Variants in ANAPC16 observed in about 807,000 individuals in gnomAD.
ANAPC16 encodes the protein anaphase-promoting complex subunit 16.
A neutral mutation model predicts 13.1 loss-of-function variants in ANAPC16; 6 were observed. The observed-to-expected ratio is 0.46, with a 90% confidence interval of 0.25 to 0.90. ANAPC16 has a LOEUF of 0.90. Ranked by LOEUF, ANAPC16 falls within the 40% of genes least tolerant of loss-of-function variation. The probability of loss-of-function intolerance (pLI) is 0.18; values close to 1 mark genes in which losing one functional copy is unlikely to be tolerated. For missense variants in ANAPC16, 113 were observed against 131.1 expected (o/e 0.86, Z 0.67); for synonymous variants, 55 against 51.3 (o/e 1.07, Z -0.31).
At chr10:72,225,153 G>A (rs1012128891) in intron 2 of ANAPC16, among the ~76,000 whole-genome samples, 4 of 152,078 alleles carry the variant, frequency 2.6e-5, no homozygotes, top group Admixed American at 6.6e-5. Flanking sequence ...GCATGGTGGC[G>A]ATGTCTGTAA....
chr10:72,224,606 C>CT (rs1391645852), intron 2 of ANAPC16, among the ~76,000 whole-genome samples: 2 of 140,292 alleles, frequency 1.4e-5, no homozygotes, highest in African/African-American at 6.2e-5. Flanking sequence ...GAATGAGACT[C>CT]TGTCTCAAAA....
At chr10:72,232,517 C>G (rs111399715) in intron 3 of ANAPC16, among the ~76,000 whole-genome samples, 171 of 151,536 alleles carry the variant, frequency 1.1e-3, no homozygotes, top group African/African-American at 3.5e-3. Flanking sequence ...GCACTGCAGC[C>G]TGGGCAACAA....
chr10:72,217,669 G>A (rs1341663677), intron 1 of ANAPC16, among the ~76,000 whole-genome samples: 6 of 152,038 alleles, frequency 3.9e-5, no homozygotes, highest in African/African-American at 1.4e-4. Flanking sequence ...GTAACTCTCC[G>A]TTAATGACTT....
intron 1 of ANAPC16, chr10:72,223,062 A>AT (rs1370142338): frequency 2.7e-5 from 4 of 147,344 alleles, no homozygotes; most frequent in African/African-American, 1.0e-4. Flanking sequence ...TTTGGGTATT[A>AT]CATTTAGATG....
At position 72,233,649 on chromosome 10, in the gene ANAPC16, CT is replaced by C. The variant is rs1283990267; in HGVS notation, c.*538del. 6.6e-6 allele frequency: 1 copy of C among 152,546 alleles called. No homozygotes were observed. Among genetic ancestry groups the C allele is most frequent in the Admixed American group, 6.5e-5 (1 of 15,282 alleles). 9.4% of individuals were successfully genotyped at this position (152,546 alleles called of 1,614,324 possible). ...TAGACATCAATTCTATAGATTCTGA[CT>C]TTTTCTAACCTCTTATAGACATGCC... On this transcript the variant is annotated 3_prime_UTR_variant, in exon 4 of 4. Coordinates refer to ENST00000299381, the MANE Select transcript of ANAPC16 (RefSeq NM_173473.4).
chr10:72,233,267 C>A lies in ANAPC16; in HGVS notation c.*151C>A. 1.7e-6 allele frequency: 1 copy of A among 584,944 alleles called. No individual in the cohort carries two copies. 36.2% of individuals were successfully genotyped at this position (584,944 alleles called of 1,614,324 possible). A position where few individuals can be genotyped will look rare whatever the true frequency, so the allele number is the denominator to read the frequency against. The stretch of plus-strand genomic sequence containing the variant: ...TGGTTTCTCTGTATCTATTCACAGG[C>A]AACAAATACTTATATGTGTGATCTT... On this transcript the variant is annotated 3_prime_UTR_variant, in exon 4 of 4. Transcript: ENST00000299381.
At chr10:72,232,795 G>A (rs1195201995) in intron 3 of ANAPC16, among the ~76,000 whole-genome samples, 1 of 151,758 alleles carries the variant, frequency 6.6e-6, no homozygotes, top group African/African-American at 2.4e-5. Context: ...TTATAGAGAT[G>A]GGGTTTCACC....
chr10:72,229,164 CTG>C (rs1315313366), intron 2 of ANAPC16, among the ~76,000 whole-genome samples: 2 of 151,538 alleles, frequency 1.3e-5, no homozygotes, highest in African/African-American at 4.8e-5. Flanking sequence ...GAATGTAACA[CTG>C]TCTCTGAAGA....
chr10:72,224,187 C>T lies in ANAPC16; in HGVS notation c.142+131C>T, dbSNP rs80152325. The T allele has an allele frequency of 5.7e-4, 603 of 1,064,836 alleles. 3 individuals are homozygous for T. In the African/African-American group the frequency reaches 8.4e-3, roughly 15 times the overall value. 66.0% of individuals were successfully genotyped at this position (1,064,836 alleles called of 1,614,324 possible). Reference sequence around the variant, plus strand: ...TCCACATTTCATTTCTTGTCCCCATCTCAAAATAGTATCTTTAAAAACAAG... The same window carrying T: ...TCCACATTTCATTTCTTGTCCCCATTTCAAAATAGTATCTTTAAAAACAAG... On this transcript the variant is annotated intron_variant, in intron 2 of 3. Transcript: ENST00000299381.
At chr10:72,221,244 G>T (rs746094007) in intron 1 of ANAPC16, among the ~76,000 whole-genome samples, 1 of 152,106 alleles carries the variant, frequency 6.6e-6, no homozygotes, top group South Asian at 2.1e-4. Context: ...TTTTAATTGG[G>T]CTAAAATTCA....
At chr10:72,221,737 T>TC (rs1859942552) in intron 1 of ANAPC16, among the ~76,000 whole-genome samples, 1 of 147,996 alleles carries the variant, frequency 6.8e-6, no homozygotes, top group African/African-American at 2.5e-5. Flanking sequence ...TTTTTTTTTT[T>TC]TTTTTTTTTT....
At chr10:72,229,609 G>A (rs1022740672) in intron 2 of ANAPC16, among the ~76,000 whole-genome samples, 7 of 152,092 alleles carry the variant, frequency 4.6e-5, no homozygotes, top group South Asian at 2.1e-4. Context: ...ATGTTTCTAC[G>A]TGAGCTGTAA....
At chr10:72,216,744 A>G in intron 1 of ANAPC16, 1 of 449,414 alleles carries the variant, frequency 2.2e-6, no homozygotes, top group Non-Finnish European at 4.5e-6. Flanking sequence ...TAAGCATCTT[A>G]GCTCGGACAC....
Position 72,223,868 on chromosome 10 carries a change from CT to C in ANAPC16, c.-27-19del, listed in dbSNP as rs1270642569. The C allele has an allele frequency of 6.7e-7, 1 of 1,482,334 alleles. No individual in the cohort carries two copies. The highest frequency in any genetic ancestry group is 1.4e-5 in the African/African-American group (1 of 71,090). 91.8% of individuals were successfully genotyped at this position (1,482,334 alleles called of 1,614,324 possible). A position where few individuals can be genotyped will look rare whatever the true frequency, so the allele number is the denominator to read the frequency against. ...CTCACTTCCATAAACTTGCCAATTG[CT>C]GTTTTTCTTTCTCTGTAGTGAAGTA... On this transcript the variant is annotated intron_variant, in intron 1 of 3. Coordinates refer to ENST00000299381, the MANE Select transcript of ANAPC16 (RefSeq NM_173473.4).
intron 2 of ANAPC16, among the ~76,000 whole-genome samples, chr10:72,226,440 G>A (rs1055292041): frequency 2.0e-5 from 3 of 152,124 alleles, no homozygotes; most frequent in African/African-American, 7.2e-5. Flanking sequence ...TTGGGAGGCT[G>A]AGGCAGGCAG....
At chr10:72,224,802 C>T (rs1478190504) in intron 2 of ANAPC16, among the ~76,000 whole-genome samples, 1 of 152,134 alleles carries the variant, frequency 6.6e-6, no homozygotes, top group African/African-American at 2.4e-5. Flanking sequence ...AAAGCTAATA[C>T]ATTGCCCTTT....
At chr10:72,231,874 A>G (rs1199957852) in intron 3 of ANAPC16, among the ~76,000 whole-genome samples, 1 of 151,728 alleles carries the variant, frequency 6.6e-6, no homozygotes, top group Non-Finnish European at 1.5e-5. Context: ...TTAACATTAG[A>G]AGAAACTTCC....
chr10:72,218,880 T>G (rs1171829551), intron 1 of ANAPC16, among the ~76,000 whole-genome samples: 1 of 152,164 alleles, frequency 6.6e-6, no homozygotes, highest in Non-Finnish European at 1.5e-5. Flanking sequence ...CCTGGCTGTT[T>G]TGTGTGTGGA....
At chr10:72,220,732 A>T (rs1169341373) in intron 1 of ANAPC16, 1 of 122,664 alleles carries the variant, frequency 8.2e-6, no homozygotes, top group Admixed American at 8.1e-5. Flanking sequence ...AAAAAAAAAA[A>T]CCCGAAAGAA....
Sources: gnomAD v4.1 joint callset for allele counts (sites outside exome capture counted in the v4.1 genomes callset) on GRCh38, gnomAD v4.1.1 for gene constraint, MANE v1.5 for transcripts, NCBI Gene and HGNC (gene_info 2026-07-23, HGNC 2026-07-21) for gene names.